Variants in SAMD3 observed in about 807,000 individuals in gnomAD.
SAMD3 encodes the protein sterile alpha motif domain-containing protein 3.
A neutral mutation model predicts 58.5 loss-of-function variants in SAMD3; 63 were observed. That is an observed-to-expected ratio of 1.08 (90% CI 0.88 to 1.33). SAMD3 has a LOEUF of 1.33. SAMD3 is among the 40% of genes most tolerant of loss of function. SAMD3 has a pLI of 0.00. For missense variants in SAMD3, 604 were observed against 608.4 expected (o/e 0.99, Z 0.08); for synonymous variants, 220 against 210.3 (o/e 1.05, Z -0.40).
chr6:130,364,272 C>G (rs1778067068), intron 1 of SAMD3, among the ~76,000 whole-genome samples: 2 of 151,962 alleles, frequency 1.3e-5, no homozygotes, highest in Non-Finnish European at 2.9e-5. Context: ...TTTCATGGCT[C>G]TCATCAGTCT....
intron 1 of SAMD3, among the ~76,000 whole-genome samples, chr6:130,336,525 G>C (rs533785325): frequency 6.6e-6 from 1 of 152,244 alleles, no homozygotes; most frequent in South Asian, 2.1e-4. Flanking sequence ...ATTTATTTTC[G>C]TTCCATATTT....
intron 5 of SAMD3, among the ~76,000 whole-genome samples, chr6:130,204,028 C>A (rs1166289701): frequency 6.6e-6 from 1 of 151,878 alleles, no homozygotes; most frequent in African/African-American, 2.4e-5. Context: ...TATTCTATAC[C>A]ATTTCATTGC....
chr6:130,336,901 T>C (rs138088924), intron 1 of SAMD3, among the ~76,000 whole-genome samples: 2 of 152,218 alleles, frequency 1.3e-5, no homozygotes, highest in African/African-American at 4.8e-5. Context: ...TGCAAATATA[T>C]GCCTCAGCTA....
At position 130,306,685 on chromosome 6, in the gene SAMD3, C is replaced by T. The variant is rs566864399; in HGVS notation, c.-188+6293G>A. ...GAAATATAGCTTGCAGACTTCCAGC[C>T]CCAAAGATAAGTGTATACAGGGCAA... On this transcript the variant is annotated intron_variant, in intron 2 of 13. Transcript: ENST00000368134. Among the ~76,000 whole-genome samples the T allele has an allele frequency of 4.6e-5, 7 of 152,240 alleles. No individual in the cohort carries two copies. The South Asian group carries it at 1.5e-3, about 32-fold the overall frequency.
chr6:130,362,237 A>G (rs1778009484), intron 1 of SAMD3, among the ~76,000 whole-genome samples: 1 of 152,192 alleles, frequency 6.6e-6, no homozygotes, highest in Non-Finnish European at 1.5e-5. Context: ...TATGTTGCTG[A>G]GTTGCAGAGT....
chr6:130,230,536 C>T (rs1046665663), intron 2 of SAMD3, among the ~76,000 whole-genome samples: 6 of 151,982 alleles, frequency 3.9e-5, no homozygotes, highest in African/African-American at 1.5e-4. Context: ...TACAGGTGCC[C>T]GCCACCATGC....
At chr6:130,209,711 C>A in intron 4 of SAMD3, 103 bp from the exon 5 acceptor site, 1 of 658,740 alleles carries the variant, frequency 1.5e-6, no homozygotes, top group South Asian at 2.1e-5. Context: ...ACATCATGGT[C>A]TGTGTCCACT....
At chr6:130,213,064 C>A (rs1795702628) in intron 4 of SAMD3, among the ~76,000 whole-genome samples, 2 of 152,130 alleles carry the variant, frequency 1.3e-5, no homozygotes, top group Non-Finnish European at 2.9e-5. Flanking sequence ...GGGAGGATGG[C>A]TTGAGGCCAG....
chr6:130,184,389 T>TA (rs778882985), intron 6 of SAMD3, 49 bp downstream of exon 6: 2 of 1,567,866 alleles, frequency 1.3e-6, no homozygotes, highest in South Asian at 2.3e-5. Context: ...TACTCTATTC[T>TA]GAAACAGACC....
intron 8 of SAMD3, among the ~76,000 whole-genome samples, chr6:130,168,927 A>G (rs1790967021): frequency 6.6e-6 from 1 of 152,036 alleles, no homozygotes. Context: ...CCTCAGCCTC[A>G]TGAGTAGCTA....
intron 7 of SAMD3, among the ~76,000 whole-genome samples, chr6:130,178,449 G>A (rs1203187383): frequency 1.3e-5 from 2 of 151,790 alleles, no homozygotes; most frequent in East Asian, 3.9e-4. Flanking sequence ...AAGAGAGAAA[G>A]TGGTAAGTCG....
At chr6:130,216,235 G>T (rs1318730676) in intron 2 of SAMD3, among the ~76,000 whole-genome samples, 1 of 151,784 alleles carries the variant, frequency 6.6e-6, no homozygotes, top group Non-Finnish European at 1.5e-5. Context: ...GACCTCTGAT[G>T]GACTTGGAGA....
chr6:130,272,407 TTATC>T (rs1460665594), intron 2 of SAMD3, among the ~76,000 whole-genome samples: 1 of 152,198 alleles, frequency 6.6e-6, no homozygotes, highest in African/African-American at 2.4e-5. Context: ...TCTAACTTAT[TTATC>T]TATTTATTAT....
intron 8 of SAMD3, among the ~76,000 whole-genome samples, chr6:130,163,074 G>A (rs2114620337): frequency 6.6e-6 from 1 of 152,114 alleles, no homozygotes; most frequent in South Asian, 2.1e-4. Flanking sequence ...CACTGAACCT[G>A]GCTTTTCTTT....
chr6:130,262,230 C>A (rs946563421), intron 2 of SAMD3, among the ~76,000 whole-genome samples: 6 of 152,056 alleles, frequency 3.9e-5, no homozygotes, highest in African/African-American at 1.2e-4. Context: ...TATCAAAAAT[C>A]CTTGACCCAG....
At chr6:130,300,989 GC>G (rs753356470) in intron 2 of SAMD3, among the ~76,000 whole-genome samples, 1 of 151,788 alleles carries the variant, frequency 6.6e-6, no homozygotes, top group Non-Finnish European at 1.5e-5. Context: ...CCTCCAACCA[GC>G]CCCGGTGTCT....
chr6:130,277,926 A>G lies in SAMD3; in HGVS notation c.-188+35052T>C, dbSNP rs139439672. Among the ~76,000 whole-genome samples the G allele has an allele frequency of 1.3e-3, 199 of 152,304 alleles. 1 individual carries two copies. Among genetic ancestry groups the G allele is most frequent in the African/African-American group, 4.7e-3 (194 of 41,566 alleles). ...ACAAAGATGGTAACAGCCCTTTCCC[A>G]AAACAAATCTCCTTCTTGCTTGGGG... On this transcript the variant is annotated intron_variant, in intron 2 of 13. Coordinates refer to the SAMD3 transcript ENST00000368134.
At chr6:130,349,499 T>TACA (rs1777579561) in intron 1 of SAMD3, among the ~76,000 whole-genome samples, 11 of 149,580 alleles carry the variant, frequency 7.4e-5, no homozygotes, top group Admixed American at 2.7e-4. Flanking sequence ...AAATTCCTCA[T>TACA]CCCTCCCAAG....
intron 9 of SAMD3, among the ~76,000 whole-genome samples, chr6:130,152,235 G>T (rs1789274479): frequency 6.6e-6 from 1 of 152,144 alleles, no homozygotes; most frequent in Non-Finnish European, 1.5e-5. Context: ...CCTCTTACGG[G>T]ATCATTTGTT....
Sources: allele counts gnomAD v4.1 joint callset (sites outside exome capture counted in the v4.1 genomes callset), GRCh38; gene constraint gnomAD v4.1.1; transcripts MANE v1.5; gene names NCBI Gene and HGNC (gene_info 2026-07-23, HGNC 2026-07-21).